CAPN13: variants seen among roughly 807,000 people sequenced by gnomAD.
CAPN13 encodes the protein calpain 13, also known as calpain-13.
A neutral mutation model predicts 98.4 loss-of-function variants in CAPN13; 90 were observed. The observed-to-expected ratio is 0.92, with a 90% CI of 0.77 to 1.09. The LOEUF is 1.09. Among genes scored for constraint, CAPN13 ranks in the 50% least tolerant of loss-of-function variants. CAPN13 has a pLI of 0.00. For missense variants in CAPN13, 887 were observed against 841.3 expected, an observed-to-expected ratio of 1.05 and a Z score of -0.67; for synonymous variants, 330 against 305.5, an observed-to-expected ratio of 1.08 and a Z score of -0.84.
At chr2:30,770,254 C>A in intron 5 of CAPN13, 59 bp downstream of exon 5, 1 of 1,585,078 alleles carries the variant, frequency 6.3e-7, no homozygotes, top group Non-Finnish European at 8.6e-7. Context: ...TGTTTGCATT[C>A]CGGGTAGGCA....
chr2:30,771,356 G>A lies in CAPN13; in HGVS notation c.388-907C>T, dbSNP rs114067471. 5.0e-3 allele frequency among the ~76,000 whole-genome samples: 755 copies of A among 152,292 alleles called. 3 individuals are homozygous for A. The highest frequency in any genetic ancestry group is 0.016 in the African/African-American group (652 of 41,554). Reference sequence around the variant, plus strand: ...TGGGTGGATGGGATCGCTTATCCACGTGGCCTTTTCCACATCTGGATGTCC... The same window carrying A: ...TGGGTGGATGGGATCGCTTATCCACATGGCCTTTTCCACATCTGGATGTCC... On this transcript the variant is annotated intron_variant, in intron 4 of 22. Transcript: ENST00000295055.
chr2:30,758,070 T>C lies in CAPN13; in HGVS notation c.842A>G (p.Glu281Gly), dbSNP rs774642902. 3.8e-5 allele frequency: 62 copies of C among 1,611,426 alleles called. No homozygotes were observed. The highest frequency in any genetic ancestry group is 5.0e-5 in the Non-Finnish European group (59 of 1,178,994). ...CCCATCACTCCAGCGCCCTCTCCAT[T>C]CGGCCTCGCCCCAGCCCCAGGGGTT... is the stretch of plus-strand genomic sequence containing the variant. ...LWNPWGWGEA[E>G]WRGRWSDGSQ... is the part of the protein sequence containing the mutation. The change falls in exon 8 of 23, where the codon GAA becomes GGA. Residue 281 changes from glutamate (E) to glycine (G), a missense_variant. Physicochemically the swap from Glu to Gly is moderately conservative, Grantham distance 98. Transcript: ENST00000295055.
chr2:30,764,994 C>T (rs967713993), intron 5 of CAPN13, among the ~76,000 whole-genome samples: 9 of 152,122 alleles, frequency 5.9e-5, no homozygotes, highest in African/African-American at 2.2e-4. Context: ...ATGAGTCTTA[C>T]ATAACATACC....
At chr2:30,740,256 G>A (rs764060434) in intron 15 of CAPN13, among the ~76,000 whole-genome samples, 7 of 152,024 alleles carry the variant, frequency 4.6e-5, no homozygotes, top group Non-Finnish European at 5.9e-5. Flanking sequence ...TACCATGCCC[G>A]GCTAATTTTT....
At chr2:30,736,767 T>C in intron 17 of CAPN13, 196 bp from the exon 18 acceptor site, 2 of 587,886 alleles carry the variant, frequency 3.4e-6, no homozygotes, top group South Asian at 2.1e-5. Context: ...CAAAGAAAAA[T>C]GGGCAATTGG....
rs891293048 is a variant in CAPN13 at position 30,722,895 on chromosome 2, G to A, written c.*372C>T. ...TCTTGTGTCACCCATAGCACCCGAG[G>A]GTGGTCAAAGTGGCTCATTCTGGCT... On this transcript the variant is annotated 3_prime_UTR_variant, in exon 23 of 23. Transcript: ENST00000295055. 1 of 152,240 alleles carries A rather than the reference G, an allele frequency of 6.6e-6. No homozygotes were observed. Among genetic ancestry groups the A allele is most frequent in the Non-Finnish European group, 1.5e-5 (1 of 68,054 alleles). 9.4% of individuals were successfully genotyped at this position (152,240 alleles called of 1,614,324 possible). A position where few individuals can be genotyped will look rare whatever the true frequency, so the allele number is the denominator to read the frequency against.
At chr2:30,763,949 G>A (rs1378147680) in intron 6 of CAPN13, among the ~76,000 whole-genome samples, 183 bp downstream of exon 6, 1 of 152,326 alleles carries the variant, frequency 6.6e-6, no homozygotes, top group East Asian at 1.9e-4. Context: ...AGTGAATTCT[G>A]CAATTTATGT....
At position 30,730,659 on chromosome 2, in the gene CAPN13, G is replaced by A. The variant is rs1671037559; in HGVS notation, c.*30+71C>T. The A allele has an allele frequency of 1.8e-5, 14 of 759,234 alleles. No homozygotes were observed. In the South Asian group the frequency reaches 1.8e-4, roughly 10 times the overall value. The allele number at this position is 759,234 out of a possible 1,614,324, so 47.0% of individuals were successfully genotyped here. On this transcript the variant is annotated intron_variant, in intron 22 of 22. Transcript: ENST00000295055. ...GGCTCTCCCAAGGAGAGAGTCTTATGTGCAGTTCTTAGAGGGGAAGGAGGA... is the reference window on the plus strand; with the variant it reads ...GGCTCTCCCAAGGAGAGAGTCTTATATGCAGTTCTTAGAGGGGAAGGAGGA...
At chr2:30,805,229 T>C (rs988194970) in intron 1 of CAPN13, among the ~76,000 whole-genome samples, 3 of 152,196 alleles carry the variant, frequency 2.0e-5, no homozygotes, top group African/African-American at 7.2e-5. Flanking sequence ...ATGTCCTCTC[T>C]ACCCTTGCTC....
intron 1 of CAPN13, among the ~76,000 whole-genome samples, chr2:30,801,845 C>G (rs146973787): frequency 1.3e-5 from 2 of 152,200 alleles, no homozygotes; most frequent in Non-Finnish European, 2.9e-5. Flanking sequence ...CTCACGCCAG[C>G]CCAGCATTGA....
intron 1 of CAPN13, among the ~76,000 whole-genome samples, chr2:30,795,452 A>G (rs1674810251): frequency 6.6e-6 from 1 of 152,068 alleles, no homozygotes. Flanking sequence ...ATTTGTACCC[A>G]TCACGTGGGA....
intron 14 of CAPN13, 32 bp from the exon 15 acceptor site, chr2:30,741,996 C>G (rs563060841): frequency 1.2e-6 from 2 of 1,604,470 alleles, no homozygotes; most frequent in Admixed American, 1.7e-5. Context: ...CAATGTTAGA[C>G]TTCTGGGGAA....
intron 18 of CAPN13, 48 bp from the exon 19 acceptor site, chr2:30,734,572 C>G (rs1484625501): frequency 6.9e-7 from 1 of 1,441,714 alleles, no homozygotes; most frequent in African/African-American, 1.4e-5. Flanking sequence ...CTGGGAAGGT[C>G]TGGATACTCC....
chr2:30,759,887 G>T (rs1012342361), intron 7 of CAPN13, among the ~76,000 whole-genome samples: 1 of 152,132 alleles, frequency 6.6e-6, no homozygotes, highest in Admixed American at 6.5e-5. Context: ...TGCAGGAGCC[G>T]CACAGTCACA....
chr2:30,758,474 A>G (rs1162986388), intron 7 of CAPN13, among the ~76,000 whole-genome samples: 1 of 152,196 alleles, frequency 6.6e-6, no homozygotes, highest in Non-Finnish European at 1.5e-5. Flanking sequence ...CGGGCTGCAG[A>G]GAATTTTATG....
At chr2:30,764,024 T>C (rs1672980264) in intron 6 of CAPN13, 108 bp downstream of exon 6, 1 of 1,140,586 alleles carries the variant, frequency 8.8e-7, no homozygotes, top group Admixed American at 2.3e-5. Context: ...TCAGTGTTCG[T>C]TAATGGTGGC....
At chr2:30,801,716 TG>T (rs1020471997) in intron 1 of CAPN13, among the ~76,000 whole-genome samples, 1 of 151,512 alleles carries the variant, frequency 6.6e-6, no homozygotes, top group African/African-American at 2.4e-5. Flanking sequence ...AAAGACTGGC[TG>T]GGCGACAGAA....
At chr2:30,747,705 T>C (rs574261903) in intron 11 of CAPN13, among the ~76,000 whole-genome samples, 21 of 150,618 alleles carry the variant, frequency 1.4e-4, no homozygotes, top group African/African-American at 5.1e-4. Flanking sequence ...TGGAACTCCA[T>C]TTGAGCCCTG....
intron 7 of CAPN13, among the ~76,000 whole-genome samples, chr2:30,759,776 A>G (rs1472009760): frequency 3.3e-5 from 5 of 152,180 alleles, no homozygotes; most frequent in Non-Finnish European, 7.3e-5. Flanking sequence ...GGAATTAGGC[A>G]TGAGTAAAGG....
Sources: gnomAD v4.1 joint callset for allele counts (sites outside exome capture counted in the v4.1 genomes callset) on GRCh38, gnomAD v4.1.1 for gene constraint, MANE v1.5 for transcripts, NCBI Gene and HGNC (gene_info 2026-07-23, HGNC 2026-07-21) for gene names.